The following BRCA2 variants were observed in gnomAD, a reference collection of about 807,000 sequenced individuals.
BRCA2 encodes the protein BRCA2 DNA repair associated.
Under a neutral mutation model 276.7 loss-of-function variants are expected in BRCA2, and 203 were observed. The ratio of observed to expected loss-of-function variants is 0.73; its 90% CI spans 0.65 to 0.82. BRCA2 has a LOEUF of 0.82. Among genes scored for constraint, BRCA2 ranks in the 40% least tolerant of loss-of-function variants. BRCA2 has a pLI of 0.00. For synonymous variants in BRCA2, 1,289 were observed against 1,338.4 expected (o/e 0.96, Z 0.81); for missense variants, 3,920 against 3,915.0 (o/e 1.00, Z -0.03).
rs80358782 is a variant in BRCA2 at position 32,339,967 on chromosome 13, G to A, written c.5612G>A (p.Ser1871Asn). The A allele has an allele frequency of 3.2e-5, 52 of 1,610,562 alleles. No homozygotes were observed. In the African/African-American group the frequency reaches 5.7e-4, roughly 18 times the overall value. Residue 1871 changes from serine to asparagine, a missense_variant, in exon 11 of 27, where the codon AGT (serine) becomes AAT (asparagine). Transcript: ENST00000380152. ...AAAGACATATTTACAGACAGTTTCAGTAAAGTAATTAAGGAAAACAACGAG... is the reference window on the plus strand; with the variant it reads ...AAAGACATATTTACAGACAGTTTCAATAAAGTAATTAAGGAAAACAACGAG... Reference protein sequence around the residue: ...KVKDIFTDSFSKVIKENNENK... With the variant: ...KVKDIFTDSFNKVIKENNENK...
Position 32,338,386 on chromosome 13 carries a change from A to C in BRCA2, c.4031A>C (p.Asn1344Thr), listed in dbSNP as rs1593901214. The change falls in exon 11 of 27, where the codon AAT (asparagine) becomes ACT (threonine). Residue 1344 changes from asparagine to threonine, a missense_variant. Coordinates refer to ENST00000380152, the MANE Select transcript of BRCA2 (RefSeq NM_000059.4). ...LEFDGSDSSK[N>T]DTVCIHKDET... The stretch of plus-strand genomic sequence containing the variant: ...TTTGATGGCAGTGATTCAAGTAAAA[A>C]TGATACTGTTTGTATTCATAAAGAT... 2 of 1,595,934 alleles carry C rather than the reference A, an allele frequency of 1.3e-6. No individual in the cohort carries two copies. Among genetic ancestry groups the C allele is most frequent in the Middle Eastern group, 3.4e-4 (2 of 5,964 alleles).
In BRCA2 at chr13:32,319,631, TTAAAC is replaced by T. The variant is rs367590748; in HGVS notation, c.316+314_316+318del. Among the ~76,000 whole-genome samples the T allele has an allele frequency of 5.9e-3, 898 of 152,338 alleles. 9 individuals are homozygous for T. Among genetic ancestry groups the T allele is most frequent in the African/African-American group, 0.021 (868 of 41,576 alleles). On this transcript the variant is annotated intron_variant, in intron 3 of 26. Transcript: ENST00000380152. ...AACCTAGGACTTGTTTTGATGTTAA[TTAAAC>T]TAAACTATATTTCTGCAAGCTATCA...
chr13:32,328,292 A>G (rs1342090454), intron 7 of BRCA2, among the ~76,000 whole-genome samples: 1 of 145,704 alleles, frequency 6.9e-6, no homozygotes, highest in East Asian at 2.0e-4. Context: ...CCCAGGCTGG[A>G]GTACAGTGGC....
At chr13:32,380,185 T>TA (rs1257859554) in intron 24 of BRCA2, 40 bp downstream of exon 24, 9 of 1,567,326 alleles carry the variant, frequency 5.7e-6, no homozygotes, top group Non-Finnish European at 7.8e-6. Context: ...TTGATTCTTT[T>TA]AAAAAACATT....
intron 13 of BRCA2, among the ~76,000 whole-genome samples, chr13:32,352,418 C>T (rs2072659259): frequency 6.6e-6 from 1 of 152,112 alleles, no homozygotes; most frequent in South Asian, 2.1e-4. Context: ...ATAAGTCTAA[C>T]TCAGATTGCT....
At position 32,376,639 on chromosome 13, in the gene BRCA2, T is replaced by C. The variant is rs193207518; in HGVS notation, c.8633-31T>C. 6.2e-6 allele frequency: 10 copies of C among 1,610,164 alleles called. No homozygotes were observed. In the East Asian group the frequency reaches 2.0e-4, roughly 32 times the overall value. ...TTTAGTTGCTTTTGAATTTACAGTT[T>C]AGTGAATTAATAATCCTTTTGTTTT... On this transcript the variant is annotated intron_variant, in intron 20 of 26. Transcript: ENST00000380152.
rs9534344 is a variant in BRCA2, at chr13:32,382,146, G to A, written c.9256+2001G>A. On this transcript the variant is annotated intron_variant, in intron 24 of 26. Transcript: ENST00000380152. ...TTTTTGTATTTTTAGTAGAGACGGG[G>A]TTTCACCGTGTTAGCCAGAATGGTC... Among the ~76,000 whole-genome samples the A allele has an allele frequency of 0.25, 37,429 of 151,974 alleles. 4,837 individuals carry two copies. The highest frequency in any genetic ancestry group is 0.27 in the Non-Finnish European group (18,122 of 67,944).
intron 15 of BRCA2, 78 bp downstream of exon 15, chr13:32,356,687 C>T (rs2137564154): frequency 6.7e-7 from 1 of 1,501,512 alleles, no homozygotes; most frequent in South Asian, 1.1e-5. Context: ...CTACAAATGG[C>T]TTTGTTTAAA....
rs11571758 is a variant in BRCA2, at chr13:32,376,413, C to A, written c.8633-257C>A. Among the ~76,000 whole-genome samples, 400 of 151,142 alleles carry A rather than the reference C, an allele frequency of 2.6e-3. No homozygotes were observed. Among genetic ancestry groups the A allele is most frequent in the African/African-American group, 9.1e-3 (374 of 41,200 alleles). The stretch of plus-strand genomic sequence containing the variant: ...GGATGTGCCTCTAATCCCAGCTACT[C>A]GGGAGGCTGAGGCAGGAGAACCACT... On this transcript the variant is annotated intron_variant, in intron 20 of 26. Transcript: ENST00000380152.
At chr13:32,324,056 T>C (rs1282844351) in intron 3 of BRCA2, among the ~76,000 whole-genome samples, 1 of 152,230 alleles carries the variant, frequency 6.6e-6, no homozygotes, top group Non-Finnish European at 1.5e-5. Context: ...ATCCAGTCAA[T>C]ATTTCAGGAG....
chr13:32,342,791 A>G (rs192630437), intron 11 of BRCA2, among the ~76,000 whole-genome samples: 2 of 152,350 alleles, frequency 1.3e-5, no homozygotes, highest in East Asian at 3.9e-4. Flanking sequence ...CATGCCTGTA[A>G]TCCCAGCACT....
intron 26 of BRCA2, among the ~76,000 whole-genome samples, chr13:32,397,265 A>G (rs573664143): frequency 6.6e-6 from 1 of 152,338 alleles, no homozygotes; most frequent in African/African-American, 2.4e-5. Flanking sequence ...TTTCATTTAC[A>G]TGTGATTGAA....
Position 32,348,329 on chromosome 13 carries a change from C to T in BRCA2, c.7007+1433C>T, listed in dbSNP as rs186096068. Reference sequence around the variant, plus strand: ...TACTAGTACTGAAGGACATGAGTTTCCTTAATTAAAAGGGCCCACTGAGTG... The same window carrying T: ...TACTAGTACTGAAGGACATGAGTTTTCTTAATTAAAAGGGCCCACTGAGTG... On this transcript the variant is annotated intron_variant, in intron 13 of 26. Transcript: ENST00000380152. Among the ~76,000 whole-genome samples, 435 of 145,068 alleles carry T rather than the reference C, an allele frequency of 3.0e-3. 3 individuals carry two copies. The highest frequency in any genetic ancestry group is 0.025 in the South Asian group (105 of 4,180).
rs371189402 is a variant in BRCA2, at chr13:32,340,050, G to A, written c.5695G>A (p.Asp1899Asn). ...GGCAGGTTGTTACGAGGCATTGGAT[G>A]ATTCAGAGGATATTCTTCATAACTC... Reference protein sequence around the residue: ...IMAGCYEALDDSEDILHNSLD... With the variant: ...IMAGCYEALDNSEDILHNSLD... Residue 1899 changes from aspartate (D) to asparagine (N), a missense_variant, in exon 11 of 27, where the codon GAT becomes AAT. Around this residue, in one of 2 missense-constraint regions of BRCA2, gnomAD observed 3,263 missense variants for 3,156.9 expected, o/e 1.03. Transcript: ENST00000380152. 1 of 1,613,708 alleles carries A rather than the reference G, an allele frequency of 6.2e-7. No individual in the cohort carries two copies. Among genetic ancestry groups the A allele is most frequent in the African/African-American group, 1.3e-5 (1 of 75,060 alleles).
intron 26 of BRCA2, among the ~76,000 whole-genome samples, chr13:32,397,525 G>A (rs1489046495): frequency 6.6e-6 from 1 of 151,856 alleles, no homozygotes; most frequent in Non-Finnish European, 1.5e-5. Context: ...TTGTCAATAG[G>A]TTTTTGGAAA....
chr13:32,330,807 T>C, intron 8 of BRCA2, 112 bp from the exon 9 acceptor site: 1 of 694,894 alleles, frequency 1.4e-6, no homozygotes, highest in Non-Finnish European at 2.5e-6. Flanking sequence ...GGACCTAGGT[T>C]GATTGCAGAT....
intron 18 of BRCA2, among the ~76,000 whole-genome samples, chr13:32,366,489 G>C (rs933055590): frequency 6.6e-6 from 1 of 152,064 alleles, no homozygotes; most frequent in Non-Finnish European, 1.5e-5. Context: ...ATTTGTATTG[G>C]AAATATCATT....
At position 32,398,360 on chromosome 13, in the gene BRCA2, GTTAGTCCCATTTGTACA is replaced by G. The variant is rs1566261091; in HGVS notation, c.9850_9866del (p.Ser3284CysfsTer37). 6.2e-7 allele frequency: 1 copy of G among 1,614,120 alleles called. No individual in the cohort carries two copies. Among genetic ancestry groups the G allele is most frequent in the South Asian group, 1.1e-5 (1 of 91,080 alleles). On this transcript the variant is annotated frameshift_variant, in exon 27 of 27. Transcript: ENST00000380152. LOFTEE classifies it low-confidence loss of function (END_TRUNC). Reference sequence around the variant, plus strand: ...GAGTAGACTGCCTTTACCTCCACCTGTTAGTCCCATTTGTACATTTGTTTCTCCGGCTGCACAGAAGG... The same window carrying G: ...GAGTAGACTGCCTTTACCTCCACCTGTTTGTTTCTCCGGCTGCACAGAAGG...
At chr13:32,327,264 G>A (rs1158848029) in intron 7 of BRCA2, among the ~76,000 whole-genome samples, 3 of 152,100 alleles carry the variant, frequency 2.0e-5, no homozygotes, top group East Asian at 1.9e-4. Flanking sequence ...CCTGTACAAC[G>A]TGGTGAAACC....
Sources: gnomAD v4.1 joint callset for allele counts (sites outside exome capture counted in the v4.1 genomes callset) on GRCh38, gnomAD v4.1.1 for gene constraint, gnomAD v4.1.1 regional missense constraint, MANE v1.5 for transcripts, NCBI Gene and HGNC (gene_info 2026-07-23, HGNC 2026-07-21) for gene names.